The following TMEM245 variants were observed in gnomAD, a reference collection of about 807,000 sequenced individuals.
TMEM245 encodes transmembrane protein 245, also known as protein CG-2.
In TMEM245, 69 loss-of-function variants were observed where a neutral mutation model predicts 101.2. That is an observed-to-expected ratio of 0.68 (90% CI 0.56 to 0.83). TMEM245 has a LOEUF of 0.83. Among genes scored for constraint, TMEM245 ranks in the 40% least tolerant of loss-of-function variants. The probability of loss-of-function intolerance (pLI) is 0.00; values close to 1 mark genes in which losing one functional copy is unlikely to be tolerated. For missense variants in TMEM245, 1,075 were observed against 1,092.8 expected, an observed-to-expected ratio of 0.98 and a Z score of 0.23; for synonymous variants, 537 against 449.8, an observed-to-expected ratio of 1.19 and a Z score of -2.45.
chr9:109,046,263 G>A (rs1045121658), intron 14 of TMEM245: 16 of 534,386 alleles, frequency 3.0e-5, no homozygotes, highest in Non-Finnish European at 5.8e-5. Context: ...CATTGAGGCC[G>A]TGACAACATG....
chr9:109,032,515 G>C (rs1431907203), intron 17 of TMEM245, among the ~76,000 whole-genome samples: 6 of 151,048 alleles, frequency 4.0e-5, no homozygotes, highest in Non-Finnish European at 8.8e-5. Context: ...CTCCCGAGTA[G>C]CTGGGATTAC....
At chr9:109,072,733 T>C (rs1380663288) in intron 9 of TMEM245, among the ~76,000 whole-genome samples, 1 of 152,214 alleles carries the variant, frequency 6.6e-6, no homozygotes, top group Non-Finnish European at 1.5e-5. Flanking sequence ...AAACTGGGCA[T>C]GGTGGTGTAC....
intron 17 of TMEM245, among the ~76,000 whole-genome samples, chr9:109,025,426 G>A (rs1402196159): frequency 6.6e-6 from 1 of 152,148 alleles, no homozygotes; most frequent in Non-Finnish European, 1.5e-5. Flanking sequence ...ATAAACCTCA[G>A]GTTAAGAAAG....
chr9:109,070,430 T>C (rs543716989), intron 9 of TMEM245, among the ~76,000 whole-genome samples: 21 of 152,308 alleles, frequency 1.4e-4, no homozygotes, highest in African/African-American at 4.8e-4. Context: ...TCATGCTAGA[T>C]TTCTTCCTCC....
chr9:109,073,283 A>G, intron 9 of TMEM245, 73 bp downstream of exon 9: 2 of 1,098,174 alleles, frequency 1.8e-6, no homozygotes, highest in South Asian at 1.2e-5. Flanking sequence ...TGCATCAATG[A>G]AGGTCATTTC....
chr9:109,070,647 A>C (rs1336903892), intron 9 of TMEM245, among the ~76,000 whole-genome samples: 1 of 142,048 alleles, frequency 7.0e-6, no homozygotes, highest in African/African-American at 2.4e-5. Context: ...TTCTAGAATG[A>C]AATATGATGA....
At position 109,036,294 on chromosome 9, in the gene TMEM245, C is replaced by T. The variant is rs750438253; in HGVS notation, c.2311G>A (p.Gly771Arg). 6.2e-7 allele frequency: 1 copy of T among 1,613,940 alleles called. No individual in the cohort carries two copies. Among genetic ancestry groups the T allele is most frequent in the South Asian group, 1.1e-5 (1 of 91,058 alleles). Reference protein sequence around the residue: ...PAVLDLWLTQGLGCKAILLLI... With the variant: ...PAVLDLWLTQRLGCKAILLLI... ...AGTAAAATGGCCTTGCATCCTAACC[C>T]TTGTGTCAGCCACAGGTCAAGAACT... Residue 771 changes from glycine to arginine, a missense_variant, in exon 16 of 18, where the codon GGG (glycine) becomes AGG (arginine). Physicochemically the swap from Gly to Arg is moderately radical, Grantham distance 125 (BLOSUM62 -2). Around this residue, in one of 2 missense-constraint regions of TMEM245, gnomAD observed 267 missense variants for 351.3 expected, o/e 0.76. Transcript: ENST00000374586.
chr9:109,075,513 T>C (rs1293270492), intron 8 of TMEM245, among the ~76,000 whole-genome samples: 1 of 152,232 alleles, frequency 6.6e-6, no homozygotes, highest in Non-Finnish European at 1.5e-5. Flanking sequence ...TAGGAAGAAT[T>C]TCAAACACTA....
At chr9:109,079,298 A>T (rs1829602930) in intron 8 of TMEM245, among the ~76,000 whole-genome samples, 2 of 152,012 alleles carry the variant, frequency 1.3e-5, no homozygotes, top group Admixed American at 1.3e-4. Flanking sequence ...AGGTGGAGCC[A>T]AAAAGGATTT....
intron 9 of TMEM245, among the ~76,000 whole-genome samples, chr9:109,068,019 T>C (rs1829219423): frequency 6.6e-6 from 1 of 152,152 alleles, no homozygotes; most frequent in South Asian, 2.1e-4. Context: ...TCCCCACCTA[T>C]CTGCTGAAAA....
Position 109,092,805 on chromosome 9 carries a change from A to G in TMEM245, c.916+670T>C, listed in dbSNP as rs150037973. On this transcript the variant is annotated intron_variant, in intron 4 of 17. Coordinates refer to ENST00000374586, the MANE Select transcript of TMEM245 (RefSeq NM_032012.4). ...AGTACAGCATGACTCTACAGCTGGT[A>G]TATCTACCAGCTGGATTCCTCAGGA... 8.9e-3 allele frequency among the ~76,000 whole-genome samples: 1,355 copies of G among 152,266 alleles called. 10 individuals carry two copies. The highest frequency in any genetic ancestry group is 0.013 in the Non-Finnish European group (891 of 68,020).
chr9:109,119,184 T>G (rs1433911788), intron 1 of TMEM245, 151 bp downstream of exon 1: 5 of 706,688 alleles, frequency 7.1e-6, no homozygotes, highest in Non-Finnish European at 1.1e-5. Flanking sequence ...GCCAAATTCC[T>G]GAGGTGTGAG....
At position 109,050,442 on chromosome 9, in the gene TMEM245, GACA is replaced by G. The variant is rs1304913749; in HGVS notation, c.1978-17_1978-15del. ...CAGGAAAATTATCTGCAAAACAAAG[GACA>G]ACATCTCCTAAAAAAATCGTATTTG... On this transcript the variant is annotated splice_polypyrimidine_tract_variant and intron_variant, in intron 13 of 17. Transcript: ENST00000374586. The G allele has an allele frequency of 1.7e-5, 27 of 1,613,118 alleles. No homozygotes were observed. The highest frequency in any genetic ancestry group is 1.9e-5 in the Non-Finnish European group (22 of 1,179,386).
chr9:109,086,053 G>C (rs770086426), intron 6 of TMEM245, 33 bp from the exon 7 acceptor site: 2 of 1,609,468 alleles, frequency 1.2e-6, no homozygotes, highest in East Asian at 2.2e-5. Context: ...AGAAAGAGAA[G>C]ATAAGAACAG....
intron 1 of TMEM245, among the ~76,000 whole-genome samples, chr9:109,109,558 G>T (rs937733685): frequency 3.3e-5 from 5 of 152,086 alleles, no homozygotes; most frequent in Non-Finnish European, 7.4e-5. Flanking sequence ...CGTTATTTTG[G>T]TCAAATCTAT....
intron 9 of TMEM245, among the ~76,000 whole-genome samples, chr9:109,066,470 A>AG (rs1044079620): frequency 1.3e-5 from 2 of 151,090 alleles, no homozygotes; most frequent in African/African-American, 4.9e-5. Context: ...AAAAAAAAAA[A>AG]AAAAAAAATT....
At chr9:109,087,041 A>T in intron 6 of TMEM245, 132 bp downstream of exon 6, 1 of 779,834 alleles carries the variant, frequency 1.3e-6, no homozygotes, top group Non-Finnish European at 1.9e-6. Context: ...TTTAAACATT[A>T]AACTTTCATC....
chr9:109,095,203 G>A (rs1830107442), intron 3 of TMEM245, among the ~76,000 whole-genome samples: 1 of 152,194 alleles, frequency 6.6e-6, no homozygotes, highest in South Asian at 2.1e-4. Flanking sequence ...CCTGGCCTGT[G>A]TATCCAAGGT....
intron 17 of TMEM245, among the ~76,000 whole-genome samples, chr9:109,021,245 G>A (rs912692412): frequency 6.6e-6 from 1 of 152,128 alleles, no homozygotes; most frequent in Non-Finnish European, 1.5e-5. Context: ...CATCTGTGCT[G>A]GCAGCCAAAT....
Sources: allele counts gnomAD v4.1 joint callset (sites outside exome capture counted in the v4.1 genomes callset), GRCh38; gene constraint gnomAD v4.1.1; regional missense constraint gnomAD v4.1.1; transcripts MANE v1.5; gene names NCBI Gene and HGNC (gene_info 2026-07-23, HGNC 2026-07-21).